Variants in DOCK10 observed in about 807,000 individuals in gnomAD.
DOCK10 encodes dedicator of cytokinesis protein 10.
Under a neutral mutation model 280.1 loss-of-function variants are expected in DOCK10, and 145 were observed. The observed-to-expected ratio is 0.52, with a 90% CI of 0.45 to 0.59. The LOEUF (loss-of-function observed/expected upper bound fraction) is 0.59. Ranked by LOEUF, DOCK10 falls within the 20% of genes least tolerant of loss-of-function variation. The pLI is 0.00. For missense variants in DOCK10, 2,368 were observed against 2,651.7 expected (o/e 0.89, Z 2.35); for synonymous variants, 915 against 942.2 (o/e 0.97, Z 0.53).
intron 1 of DOCK10, among the ~76,000 whole-genome samples, chr2:224,932,237 G>A (rs1037529329): frequency 3.3e-5 from 5 of 152,102 alleles, no homozygotes; most frequent in Non-Finnish European, 7.4e-5. Context: ...AGAACTGAAC[G>A]ACAGGACTAT....
intron 14 of DOCK10, among the ~76,000 whole-genome samples, chr2:224,858,257 G>A (rs1020712930): frequency 6.6e-6 from 1 of 152,176 alleles, no homozygotes; most frequent in Non-Finnish European, 1.5e-5. Context: ...ACTCTGTCAT[G>A]GAAATTGCTC....
intron 31 of DOCK10, among the ~76,000 whole-genome samples, chr2:224,813,001 T>C (rs564769403): frequency 3.3e-5 from 5 of 152,330 alleles, no homozygotes; most frequent in Admixed American, 6.5e-5. Flanking sequence ...GCTGGCCTCA[T>C]AAAATGAGTT....
intron 31 of DOCK10, among the ~76,000 whole-genome samples, chr2:224,810,449 T>C (rs1270161140): frequency 6.6e-6 from 1 of 152,090 alleles, no homozygotes; most frequent in Admixed American, 6.6e-5. Context: ...AATAATACAA[T>C]ATTGTATATT....
intron 11 of DOCK10, among the ~76,000 whole-genome samples, chr2:224,866,691 TTCTC>T (rs1184152532): frequency 1.3e-5 from 2 of 152,184 alleles, no homozygotes; most frequent in Non-Finnish European, 2.9e-5. Context: ...GAGCTTTCCC[TTCTC>T]TCTTATTTTG....
At chr2:224,784,120 T>C (rs1691564404) in intron 50 of DOCK10, among the ~76,000 whole-genome samples, 1 of 152,160 alleles carries the variant, frequency 6.6e-6, no homozygotes, top group South Asian at 2.1e-4. Flanking sequence ...TGCTCCTTTC[T>C]CCATCTCTGG....
intron 1 of DOCK10, among the ~76,000 whole-genome samples, chr2:224,948,313 T>C (rs563387267): frequency 6.6e-6 from 1 of 152,342 alleles, no homozygotes; most frequent in East Asian, 1.9e-4. Flanking sequence ...CATGATGCTA[T>C]AAAATGACAG....
intron 1 of DOCK10, among the ~76,000 whole-genome samples, chr2:224,938,380 C>CA (rs1702816892): frequency 6.6e-6 from 1 of 151,996 alleles, no homozygotes; most frequent in Admixed American, 6.5e-5. Flanking sequence ...GAAAAACTAA[C>CA]AAAAAATAGG....
chr2:224,957,291 C>CCCG (rs1553622562), intron 1 of DOCK10, among the ~76,000 whole-genome samples: 1 of 146,100 alleles, frequency 6.8e-6, no homozygotes, highest in East Asian at 2.0e-4. Context: ...TTCCGCCCCC[C>CCCG]CCCGGCTTTG....
chr2:224,988,281 T>A (rs1232862698), intron 1 of DOCK10, among the ~76,000 whole-genome samples: 1 of 152,174 alleles, frequency 6.6e-6, no homozygotes, highest in Non-Finnish European at 1.5e-5. Flanking sequence ...ATTTAGATTT[T>A]AAATTGTCTT....
In DOCK10 at chr2:224,877,991, G is replaced by A. The variant is rs368268978; in HGVS notation, c.748-1770C>T. The stretch of plus-strand genomic sequence containing the variant: ...GTAATAGAGCAAACCCTAACACTTA[G>A]GACAACTCTATTAAGTAGAATACAA... On this transcript the variant is annotated intron_variant, in intron 7 of 55. Coordinates refer to ENST00000258390, the MANE Select transcript of DOCK10 (RefSeq NM_014689.3). Among the ~76,000 whole-genome samples, 21 of 152,180 alleles carry A rather than the reference G, an allele frequency of 1.4e-4. 1 individual carries two copies. The highest frequency in any genetic ancestry group is 5.1e-4 in the African/African-American group (21 of 41,520).
chr2:224,937,023 A>G lies in DOCK10; in HGVS notation c.124-5355T>C, dbSNP rs1702730076. The stretch of plus-strand genomic sequence containing the variant: ...AAACCCTGGGGAAAGGAGACCAGGG[A>G]AAATAATTACAGATTATATATGTGG... On this transcript the variant is annotated intron_variant, in intron 1 of 55. Coordinates refer to ENST00000258390, the MANE Select transcript of DOCK10 (RefSeq NM_014689.3). Among the ~76,000 whole-genome samples the G allele has an allele frequency of 2.6e-5, 4 of 152,310 alleles. No homozygotes were observed. In the South Asian group the frequency reaches 8.3e-4, roughly 32 times the overall value.
In DOCK10 at chr2:224,885,821, G is replaced by A. The variant is rs749774948; in HGVS notation, c.613-16C>T. 2 of 1,607,288 alleles carry A rather than the reference G, an allele frequency of 1.2e-6. No individual in the cohort carries two copies. ...TTTTGAATGACTAAATAAAGGAAAA[G>A]ATATAAGGAGATATTCAAATTGTAA... On this transcript the variant is annotated splice_polypyrimidine_tract_variant and intron_variant, in intron 6 of 55. Coordinates refer to ENST00000258390, the MANE Select transcript of DOCK10 (RefSeq NM_014689.3).
At chr2:225,003,957 A>G (rs1401785140) in intron 1 of DOCK10, among the ~76,000 whole-genome samples, 1 of 152,228 alleles carries the variant, frequency 6.6e-6, no homozygotes, top group African/African-American at 2.4e-5. Context: ...AATAAACATG[A>G]TAATGACAAA....
chr2:224,916,182 G>A (rs2125934206), intron 3 of DOCK10, among the ~76,000 whole-genome samples: 1 of 152,308 alleles, frequency 6.6e-6, no homozygotes, highest in East Asian at 1.9e-4. Context: ...GATCACTTAA[G>A]GTCAGGAGTT....
chr2:224,793,553 T>A (rs965729139), intron 45 of DOCK10, 96 bp from the exon 46 acceptor site: 1 of 909,484 alleles, frequency 1.1e-6, no homozygotes, highest in African/African-American at 1.7e-5. Flanking sequence ...TATCAGAATA[T>A]GTTAGAAGGA....
intron 1 of DOCK10, among the ~76,000 whole-genome samples, chr2:224,974,011 G>C (rs1575136774): frequency 6.6e-6 from 1 of 152,184 alleles, no homozygotes; most frequent in East Asian, 1.9e-4. Context: ...GGCCTTCCCT[G>C]ACTGATTTGA....
chr2:224,924,571 G>A (rs1701954313), intron 2 of DOCK10, among the ~76,000 whole-genome samples: 1 of 152,078 alleles, frequency 6.6e-6, no homozygotes, highest in South Asian at 2.1e-4. Context: ...TCCATTTTAT[G>A]GATATACCAC....
intron 1 of DOCK10, among the ~76,000 whole-genome samples, chr2:225,023,975 G>A (rs1342516669): frequency 6.6e-6 from 1 of 152,098 alleles, no homozygotes; most frequent in African/African-American, 2.4e-5. Context: ...GACCAATAAC[G>A]GGACAAACTG....
chr2:224,846,112 G>C (rs1236055291), intron 19 of DOCK10, among the ~76,000 whole-genome samples: 1 of 152,224 alleles, frequency 6.6e-6, no homozygotes, highest in African/African-American at 2.4e-5. Context: ...TCTGCTAGCA[G>C]TGATGTATTC....
Sources: gnomAD v4.1 joint callset for allele counts (sites outside exome capture counted in the v4.1 genomes callset) on GRCh38, gnomAD v4.1.1 for gene constraint, MANE v1.5 for transcripts, NCBI Gene and HGNC (gene_info 2026-07-23, HGNC 2026-07-21) for gene names.